CA12: variants seen among roughly 807,000 people sequenced by gnomAD.
CA12 encodes carbonate dehydratase XII.
Under a neutral mutation model 46.8 loss-of-function variants are expected in CA12, and 36 were observed. The ratio of observed to expected loss-of-function variants is 0.77; its 90% CI spans 0.59 to 1.02. CA12 has a LOEUF of 1.02. Ranked by LOEUF, CA12 falls within the 50% of genes least tolerant of loss-of-function variation. The probability of loss-of-function intolerance (pLI) is 0.00; values close to 1 mark genes in which losing one functional copy is unlikely to be tolerated. For synonymous variants in CA12, 202 were observed against 187.0 expected, an observed-to-expected ratio of 1.08 and a Z score of -0.65; for missense variants, 436 against 451.4, an observed-to-expected ratio of 0.97 and a Z score of 0.31.
chr15:63,324,946 C>G lies in CA12; in HGVS notation c.*1339G>C, dbSNP rs557462650. On this transcript the variant is annotated 3_prime_UTR_variant, in exon 11 of 11. Coordinates refer to ENST00000178638, the MANE Select transcript of CA12 (RefSeq NM_001218.5). ...CTGCAAGGTGCTCTCAACTAGGGGTCGGTTCCTTCTCAGTCATGGCACTGA... is the reference window on the plus strand; with the variant it reads ...CTGCAAGGTGCTCTCAACTAGGGGTGGGTTCCTTCTCAGTCATGGCACTGA... 2.0e-5 allele frequency: 3 copies of G among 152,236 alleles called. No homozygotes were observed. The South Asian group carries it at 6.2e-4, about 32-fold the overall frequency. 9.4% of individuals were successfully genotyped at this position (152,236 alleles called of 1,614,324 possible). A position where few individuals can be genotyped will look rare whatever the true frequency, so the allele number is the denominator to read the frequency against.
intron 2 of CA12, among the ~76,000 whole-genome samples, chr15:63,361,678 A>T (rs1315944788): frequency 6.6e-6 from 1 of 152,144 alleles, no homozygotes; most frequent in Non-Finnish European, 1.5e-5. Context: ...GTTGATCTTG[A>T]TGGAGTTGGC....
intron 8 of CA12, among the ~76,000 whole-genome samples, chr15:63,335,724 G>A (rs1453738856): frequency 6.6e-6 from 1 of 152,146 alleles, no homozygotes; most frequent in East Asian, 1.9e-4. Flanking sequence ...GAGTAAGCCA[G>A]ACCCTAATTA....
intron 2 of CA12, among the ~76,000 whole-genome samples, chr15:63,357,305 C>A (rs1331381536): frequency 6.6e-6 from 1 of 152,192 alleles, no homozygotes; most frequent in Non-Finnish European, 1.5e-5. Context: ...CGGACGGAGC[C>A]CTAGCATCTG....
At chr15:63,332,159 C>A (rs1038597471) in intron 8 of CA12, among the ~76,000 whole-genome samples, 1 of 152,062 alleles carries the variant, frequency 6.6e-6, no homozygotes, top group Non-Finnish European at 1.5e-5. Flanking sequence ...ATTATTACAC[C>A]TAATAAAAAA....
In CA12 at chr15:63,339,630, G is replaced by T. The variant is rs1435339621; in HGVS notation, c.747+658C>A. Reference sequence around the variant, plus strand: ...CCCTGGACGCATGAAGCTGGCGTGGGGCTGTGAGCCAGGGTGTAGTGCTGG... The same window carrying T: ...CCCTGGACGCATGAAGCTGGCGTGGTGCTGTGAGCCAGGGTGTAGTGCTGG... On this transcript the variant is annotated intron_variant, in intron 7 of 10. Transcript: ENST00000178638. The surrounding 1 kb of genome is among the most constrained non-coding windows in gnomAD (Gnocchi z 4.3). Among the ~76,000 whole-genome samples, 1 of 152,206 alleles carries T rather than the reference G, an allele frequency of 6.6e-6. No individual in the cohort carries two copies. The highest frequency in any genetic ancestry group is 1.9e-4 in the East Asian group (1 of 5,188).
intron 2 of CA12, among the ~76,000 whole-genome samples, chr15:63,371,086 G>T (rs902402076): frequency 1.3e-5 from 2 of 152,222 alleles, no homozygotes; most frequent in Non-Finnish European, 2.9e-5. Flanking sequence ...TCAAGAGTTT[G>T]CTTCCTGGCC....
At position 63,339,827 on chromosome 15, in the gene CA12, T is replaced by G. The variant is rs560383293; in HGVS notation, c.747+461A>C. ...CTCTTCTCTCTCATCTCCTATCAAA[T>G]AAGAAGCTTTAGAGGTGATGGCTAA... On this transcript the variant is annotated intron_variant, in intron 7 of 10. Transcript: ENST00000178638. This position sits in a 1 kb window ranked among gnomAD's most constrained non-coding sequence, Gnocchi z 4.3. Among the ~76,000 whole-genome samples the G allele has an allele frequency of 1.3e-5, 2 of 152,346 alleles. No homozygotes were observed. Among genetic ancestry groups the G allele is most frequent in the South Asian group, 4.1e-4 (2 of 4,830 alleles).
chr15:63,346,759 T>G, intron 2 of CA12, 50 bp from the exon 3 acceptor site: 1 of 1,572,064 alleles, frequency 6.4e-7, no homozygotes. Context: ...ACAAAGGGAT[T>G]TTCCTTATCT....
Position 63,361,482 on chromosome 15 carries a change from A to T in CA12, c.106+14176T>A, listed in dbSNP as rs1407309477. 2.0e-5 allele frequency among the ~76,000 whole-genome samples: 3 copies of T among 152,244 alleles called. No homozygotes were observed. In the East Asian group the frequency reaches 5.8e-4, roughly 29 times the overall value. ...CACAACTTGGGGGGGTGCTACTAGC[A>T]TCTAGTGGGCAGAGGCCAGGGAATC... On this transcript the variant is annotated intron_variant, in intron 2 of 10. Transcript: ENST00000178638.
In CA12 at chr15:63,331,807, C is replaced by G. The variant is rs997466693; in HGVS notation, c.875-3677G>C. The stretch of plus-strand genomic sequence containing the variant: ...AGCTGCGTCTTCCACCGGCATCTTG[C>G]TGGACTGAGGGATGCTGGTTAAGGG... On this transcript the variant is annotated intron_variant, in intron 8 of 10. Transcript: ENST00000178638. The surrounding 1 kb of genome is among the most constrained non-coding windows in gnomAD (Gnocchi z 5.3). 7 of 152,318 alleles carry G rather than the reference C, an allele frequency of 4.6e-5. No individual in the cohort carries two copies. Among genetic ancestry groups the G allele is most frequent in the African/African-American group, 1.7e-4 (7 of 41,548 alleles). 9.4% of individuals were successfully genotyped at this position (152,318 alleles called of 1,614,324 possible).
chr15:63,354,505 G>A (rs551644306), intron 2 of CA12, among the ~76,000 whole-genome samples: 4 of 152,246 alleles, frequency 2.6e-5, no homozygotes, highest in Admixed American at 2.6e-4. Context: ...AGGAGGATCA[G>A]TTGAGCCCAG....
chr15:63,381,027 G>C (rs2039637687), intron 1 of CA12, among the ~76,000 whole-genome samples: 1 of 152,014 alleles, frequency 6.6e-6, no homozygotes, highest in South Asian at 2.1e-4. Context: ...GTGTGTGTGT[G>C]TGTGTGTGTG....
intron 2 of CA12, among the ~76,000 whole-genome samples, chr15:63,352,418 A>G (rs942981112): frequency 1.2e-4 from 19 of 152,352 alleles, no homozygotes; most frequent in African/African-American, 4.6e-4. Context: ...AAAAGAGACC[A>G]GAGAAGGAAG....
In CA12 at chr15:63,340,243, C is replaced by CT. The variant is rs1392974380; in HGVS notation, c.747+44dup. ...ATTGTGATATGGAGGATGATGGGGA[C>CT]TGAGGTGCCGCGTGGACTCTGGCTG... On this transcript the variant is annotated intron_variant, in intron 7 of 10. Transcript: ENST00000178638. This position sits in a 1 kb window ranked among gnomAD's most constrained non-coding sequence, Gnocchi z 4.4. 6.2e-7 allele frequency: 1 copy of CT among 1,609,190 alleles called. No homozygotes were observed. Among genetic ancestry groups the CT allele is most frequent in the East Asian group, 2.2e-5 (1 of 44,850 alleles).
In CA12 at chr15:63,329,251, T is replaced by C. The variant is rs1317488974; in HGVS notation, c.875-1121A>G. Among the ~76,000 whole-genome samples, 2 of 152,186 alleles carry C rather than the reference T, an allele frequency of 1.3e-5. No individual in the cohort carries two copies. Among genetic ancestry groups the C allele is most frequent in the Non-Finnish European group, 2.9e-5 (2 of 68,026 alleles). ...ACTTCTCTGCTCCATGGAACCAGGG[T>C]ATTACGGCTTCAACCAGCAAGTTAC... On this transcript the variant is annotated intron_variant, in intron 8 of 10. Transcript: ENST00000178638. This position sits in a 1 kb window ranked among gnomAD's most constrained non-coding sequence, Gnocchi z 4.8.
chr15:63,336,301 C>T (rs1338347931), intron 8 of CA12, among the ~76,000 whole-genome samples: 4 of 152,184 alleles, frequency 2.6e-5, no homozygotes, highest in Non-Finnish European at 4.4e-5. Flanking sequence ...CAAGCAGCTG[C>T]TTAGACACAA....
In CA12 at chr15:63,338,919, G is replaced by A; in HGVS notation, c.774C>T (p.Tyr258=). The A allele has an allele frequency of 1.2e-6, 2 of 1,614,204 alleles. No homozygotes were observed. The highest frequency in any genetic ancestry group is 8.5e-7 in the Non-Finnish European group (1 of 1,180,040). Residue 258 remains tyrosine (Y), a synonymous_variant, in exon 8 of 11, where the codon TAC becomes TAT. Transcript: ENST00000178638. ...EQLLALETAL[Y]CTHMDDPSPR... is the part of the protein sequence containing the mutation. ...GGGAAGGGTCGTCCATGTGTGTGCAGTACAGGGCTGTCTCCAAAGCCAGCA... is the reference window on the plus strand; with the variant it reads ...GGGAAGGGTCGTCCATGTGTGTGCAATACAGGGCTGTCTCCAAAGCCAGCA...
In CA12 at chr15:63,341,265, G is replaced by T. The variant is rs761093778; in HGVS notation, c.526-482C>A. On this transcript the variant is annotated intron_variant, in intron 5 of 10. Coordinates refer to ENST00000178638, the MANE Select transcript of CA12 (RefSeq NM_001218.5). The surrounding 1 kb of genome is among the most constrained non-coding windows in gnomAD (Gnocchi z 5.2). ...ATTCCAGGGTACATATAGAGCAGGGGTGCCCAGCCCCCAGGCTGTGGACCA... is the reference window on the plus strand; with the variant it reads ...ATTCCAGGGTACATATAGAGCAGGGTTGCCCAGCCCCCAGGCTGTGGACCA... Among the ~76,000 whole-genome samples, 4 of 152,192 alleles carry T rather than the reference G, an allele frequency of 2.6e-5. No individual in the cohort carries two copies. Among genetic ancestry groups the T allele is most frequent in the Admixed American group, 6.5e-5 (1 of 15,290 alleles).
At chr15:63,335,849 C>T (rs12904952) in intron 8 of CA12, among the ~76,000 whole-genome samples, 5 of 152,246 alleles carry the variant, frequency 3.3e-5, no homozygotes, top group African/African-American at 7.2e-5. Context: ...AGGCCTGCTC[C>T]GAGCTGGGTA....
Sources: gnomAD v4.1 joint callset for allele counts (sites outside exome capture counted in the v4.1 genomes callset) on GRCh38, gnomAD v4.1.1 for gene constraint, Gnocchi (gnomAD v3.1) non-coding constraint, MANE v1.5 for transcripts, NCBI Gene and HGNC (gene_info 2026-07-23, HGNC 2026-07-21) for gene names.